CPAP: variants seen among roughly 807,000 people sequenced by gnomAD.
CPAP encodes the protein centrosome assembly and centriole elongation protein, also known as centrosomal P4.1-associated protein.
the CPAP span, among the ~76,000 whole-genome samples, chr13:24,929,099 T>C: frequency 6.6e-6 from 1 of 152,240 alleles, no homozygotes; most frequent in Non-Finnish European, 1.5e-5. Flanking sequence ...GGGGTGACTC[T>C]ATCACCTGGG....
chr13:24,911,575 C>T, the CPAP span, among the ~76,000 whole-genome samples: 1 of 152,060 alleles, frequency 6.6e-6, no homozygotes, highest in Non-Finnish European at 1.5e-5. Flanking sequence ...CACTCTGTTG[C>T]CCGGCTGGAA....
the CPAP span, among the ~76,000 whole-genome samples, chr13:24,895,639 A>C: frequency 6.6e-6 from 1 of 152,248 alleles, no homozygotes; most frequent in Admixed American, 6.5e-5. Context: ...ACAGTCTTAA[A>C]TAACCCGTTG....
At chr13:24,891,375 G>A in the CPAP span, among the ~76,000 whole-genome samples, 8 of 152,056 alleles carry the variant, frequency 5.3e-5, no homozygotes, top group East Asian at 1.9e-4. Context: ...CTGTGCTGTC[G>A]TGTGCAGCTG....
At chr13:24,907,273 C>T in the CPAP span, 1 of 1,207,512 alleles carries the variant, frequency 8.3e-7, no homozygotes, top group Non-Finnish European at 1.2e-6. Flanking sequence ...GGTATAGAAA[C>T]CCTTGACAAC....
the CPAP span, among the ~76,000 whole-genome samples, chr13:24,884,665 C>T: frequency 6.6e-6 from 1 of 151,994 alleles, no homozygotes; most frequent in African/African-American, 2.4e-5. Context: ...TGGAATTTAC[C>T]TAAAAAAGAA....
At chr13:24,913,089 C>T in the CPAP span, 1 of 1,420,424 alleles carries the variant, frequency 7.0e-7, no homozygotes, top group Non-Finnish European at 9.9e-7. Flanking sequence ...TGATTTCCAA[C>T]ACCTGTAGAC....
At chr13:24,924,178 C>T in the CPAP span, among the ~76,000 whole-genome samples, 1 of 151,610 alleles carries the variant, frequency 6.6e-6, no homozygotes, top group East Asian at 1.9e-4. Context: ...AGCTAAAGCC[C>T]GAGACTTCCG....
chr13:24,883,340 T>C, the CPAP span: 3 of 1,613,328 alleles, frequency 1.9e-6, no homozygotes, highest in Non-Finnish European at 2.5e-6. Context: ...TCTTTGGCCA[T>C]TATTAAACTC....
chr13:24,903,199 CT>C, the CPAP span, among the ~76,000 whole-genome samples: 17 of 152,322 alleles, frequency 1.1e-4, no homozygotes, highest in South Asian at 4.1e-4. Flanking sequence ...ATATGTCATA[CT>C]ATCGACTGCT....
the CPAP span, among the ~76,000 whole-genome samples, chr13:24,913,633 T>G: frequency 6.6e-6 from 1 of 152,194 alleles, no homozygotes; most frequent in Admixed American, 6.5e-5. Flanking sequence ...AGAGGTAAAA[T>G]AGTGACATCA....
At chr13:24,916,988 C>G in the CPAP span, among the ~76,000 whole-genome samples, 1 of 152,174 alleles carries the variant, frequency 6.6e-6, no homozygotes, top group African/African-American at 2.4e-5. Flanking sequence ...CGGTAGCTCA[C>G]GCCTATAATC....
At chr13:24,902,676 A>C in the CPAP span, among the ~76,000 whole-genome samples, 1 of 152,248 alleles carries the variant, frequency 6.6e-6, no homozygotes, top group Non-Finnish European at 1.5e-5. Context: ...AGGAAGCTCC[A>C]ACAATCAGTC....
chr13:24,895,533 G>C, the CPAP span, among the ~76,000 whole-genome samples: 1 of 152,206 alleles, frequency 6.6e-6, no homozygotes, highest in Non-Finnish European at 1.5e-5. Context: ...CTCCAGCCTG[G>C]GTGACAGCGT....
At chr13:24,905,804 C>T in the CPAP span, 3 of 1,614,028 alleles carry the variant, frequency 1.9e-6, no homozygotes, top group Non-Finnish European at 2.5e-6. Context: ...TTCTTGGGTC[C>T]TGGTGTCCTT....
the CPAP span, among the ~76,000 whole-genome samples, chr13:24,923,061 C>A: frequency 2.0e-5 from 3 of 152,206 alleles, no homozygotes; most frequent in East Asian, 3.9e-4. Context: ...CGTGGCGGGG[C>A]GGAAAACCGT....
chr13:24,891,338 T>C, the CPAP span, among the ~76,000 whole-genome samples: 35,175 of 151,936 alleles, frequency 0.23, 4,421 homozygotes, highest in Non-Finnish European at 0.29. Flanking sequence ...ATTGAGACGA[T>C]CCCAGGTGTG....
At chr13:24,909,031 A>G in the CPAP span, among the ~76,000 whole-genome samples, 1 of 152,244 alleles carries the variant, frequency 6.6e-6, no homozygotes, top group Non-Finnish European at 1.5e-5. Flanking sequence ...ATATACACAT[A>G]CATACACTGA....
chr13:24,889,366 G>T, the CPAP span: 1 of 1,612,026 alleles, frequency 6.2e-7, no homozygotes, highest in East Asian at 2.2e-5. Context: ...GGTTCCTGAA[G>T]AAATCTGACT....
the CPAP span, chr13:24,884,543 T>C: frequency 7.4e-7 from 1 of 1,355,254 alleles, no homozygotes; most frequent in African/African-American, 1.4e-5. Flanking sequence ...ACTGCCTACT[T>C]TGAAATTTTT....
Sources: allele counts gnomAD v4.1 joint callset (sites outside exome capture counted in the v4.1 genomes callset), GRCh38; gene constraint gnomAD v4.1.1; transcripts MANE v1.5; gene names NCBI Gene and HGNC (gene_info 2026-07-23, HGNC 2026-07-21).